GET4: variants seen among roughly 807,000 people sequenced by gnomAD.
GET4 encodes the protein guided entry of tail-anchored proteins factor 4.
Under a neutral mutation model 40.0 loss-of-function variants are expected in GET4, and 20 were observed. The observed-to-expected ratio is 0.50, with a 90% CI of 0.35 to 0.73. The LOEUF (loss-of-function observed/expected upper bound fraction) is 0.73. Ranked by LOEUF, GET4 falls within the 30% of genes least tolerant of loss-of-function variation. The pLI is 0.01. For synonymous variants in GET4, 280 were observed against 194.6 expected, an observed-to-expected ratio of 1.44 and a Z score of -3.65; for missense variants, 557 against 454.0, an observed-to-expected ratio of 1.23 and a Z score of -2.06.
Position 891,980 on chromosome 7 carries a change from G to A in GET4, c.606-298G>A, listed in dbSNP as rs137971489. ...GGGCCAGCGCCTGACCGGTGCGGGC[G>A]GCCTCAGGAGAGGAGAGCTTGCTCA... is the stretch of plus-strand genomic sequence containing the variant. On this transcript the variant is annotated intron_variant, in intron 5 of 8. Transcript: ENST00000265857. Among the ~76,000 whole-genome samples, 979 of 152,370 alleles carry A rather than the reference G, an allele frequency of 6.4e-3. 3 individuals carry two copies. The highest frequency in any genetic ancestry group is 0.011 in the Non-Finnish European group (778 of 68,036).
At chr7:888,197 G>A (rs775420158) in intron 4 of GET4, among the ~76,000 whole-genome samples, 4 of 152,210 alleles carry the variant, frequency 2.6e-5, no homozygotes, top group Non-Finnish European at 5.9e-5. Flanking sequence ...GGCAGCCCCC[G>A]CATTGGAAGC....
Position 881,990 on chromosome 7 carries a change from T to C in GET4, c.156-4066T>C, listed in dbSNP as rs148108539. On this transcript the variant is annotated intron_variant, in intron 1 of 8. Coordinates refer to ENST00000265857, the MANE Select transcript of GET4 (RefSeq NM_015949.3). The stretch of plus-strand genomic sequence containing the variant: ...TGGCCTCCAGCTCCATCCAAGTTCC[T>C]GCAAAGGGCATGATCTTGTTCCTTT... The C allele has an allele frequency of 4.6e-5, 7 of 152,370 alleles. No homozygotes were observed. In the East Asian group the frequency reaches 1.3e-3, roughly 29 times the overall value. 9.4% of individuals were successfully genotyped at this position (152,370 alleles called of 1,614,324 possible).
chr7:883,461 G>A (rs765483446), intron 1 of GET4: 33 of 973,584 alleles, frequency 3.4e-5, no homozygotes, highest in Admixed American at 6.2e-5. Flanking sequence ...GCGTTTCTGT[G>A]TTCTGCTTTT....
In GET4 at chr7:886,390, A is replaced by C. The variant is rs192483107; in HGVS notation, c.235-179A>C. 13 of 620,496 alleles carry C rather than the reference A, an allele frequency of 2.1e-5. No homozygotes were observed. The Admixed American group carries it at 2.3e-4, about 11-fold the overall frequency. 38.4% of individuals were successfully genotyped at this position (620,496 alleles called of 1,614,324 possible). A position where few individuals can be genotyped will look rare whatever the true frequency, so the allele number is the denominator to read the frequency against. On this transcript the variant is annotated intron_variant, in intron 2 of 8. Transcript: ENST00000265857. ...GGTATAAACGTCCCCGTCCATTTTCATGTGATTCTCGGCCAGGAGCTCTCT... is the reference window on the plus strand; with the variant it reads ...GGTATAAACGTCCCCGTCCATTTTCCTGTGATTCTCGGCCAGGAGCTCTCT...
In GET4 at chr7:892,264, G is replaced by T. The variant is rs777075953; in HGVS notation, c.606-14G>T. On this transcript the variant is annotated splice_polypyrimidine_tract_variant and intron_variant, in intron 5 of 8. Transcript: ENST00000265857. The stretch of plus-strand genomic sequence containing the variant: ...CCTCCAGCCCTTCCACCACCAGCAT[G>T]TTCTCATTTCCAGGTTTCTCTGTTT... The T allele has an allele frequency of 1.9e-6, 3 of 1,585,254 alleles. No homozygotes were observed. Among genetic ancestry groups the T allele is most frequent in the African/African-American group, 2.7e-5 (2 of 74,620 alleles).
At chr7:878,904 T>G (rs749639452) in intron 1 of GET4, among the ~76,000 whole-genome samples, 1 of 152,158 alleles carries the variant, frequency 6.6e-6, no homozygotes, top group Non-Finnish European at 1.5e-5. Context: ...TTAGAGCAGT[T>G]TTTGGTTTAT....
chr7:876,655 G>A lies in GET4; in HGVS notation c.10G>A (p.Ala4Thr). ...GCGGAGCGCCGGCCCGATGGCGGCG[G>A]CGGCGGCGATGGCCGAGCAGGAGAG... MAA[A>T]AAMAEQESAR... The change falls in exon 1 of 9, where the codon GCG (alanine) becomes ACG (threonine). Residue 4 changes from alanine to threonine, a missense_variant. Transcript: ENST00000265857. 2 of 1,280,352 alleles carry A rather than the reference G, an allele frequency of 1.6e-6. No individual in the cohort carries two copies. The highest frequency in any genetic ancestry group is 2.1e-5 in the South Asian group (1 of 48,326). 79.3% of individuals were successfully genotyped at this position (1,280,352 alleles called of 1,614,324 possible).
In GET4 at chr7:890,941, T is replaced by C; in HGVS notation, c.480T>C (p.Cys160=). 6.2e-7 allele frequency: 1 copy of C among 1,606,152 alleles called. No homozygotes were observed. Among genetic ancestry groups the C allele is most frequent in the Middle Eastern group, 1.7e-4 (1 of 6,036 alleles). The part of the protein sequence containing the change: ...ALTLWKEQNY[C]ESRYHFLHSA... ...TTTCCTTTGCAGAACAAAACTATTG[T>C]GAGTCGAGGTATCATTTTCTGCACT... is the stretch of plus-strand genomic sequence containing the variant. The change falls in exon 5 of 9, where the codon TGT becomes TGC. Residue 160 remains cysteine, a synonymous_variant. Transcript: ENST00000265857.
In GET4 at chr7:892,326, G is replaced by A. The variant is rs759976300; in HGVS notation, c.654G>A (p.Thr218=). The A allele has an allele frequency of 1.8e-5, 29 of 1,595,406 alleles. No homozygotes were observed. The highest frequency in any genetic ancestry group is 5.4e-5 in the African/African-American group (4 of 74,648). The change falls in exon 6 of 9, where the codon ACG becomes ACA. Residue 218 remains threonine, a synonymous_variant. Coordinates refer to ENST00000265857, the MANE Select transcript of GET4 (RefSeq NM_015949.3). The part of the protein sequence containing the change: ...NKSSASVVFT[T]YTQKHPSIED... ...GTAGCGCATCGGTGGTCTTCACGAC[G>A]TACACCCAGAAGCACCCGTCCATCG... is the stretch of plus-strand genomic sequence containing the variant.
At chr7:886,794 C>G in intron 3 of GET4, 144 bp downstream of exon 3, 1 of 647,422 alleles carries the variant, frequency 1.5e-6, no homozygotes, top group Non-Finnish European at 2.8e-6. Flanking sequence ...AGTTCCCACC[C>G]GGTCTCAGTG....
chr7:879,663 T>C (rs1449554562), intron 1 of GET4: 1 of 152,258 alleles, frequency 6.6e-6, no homozygotes, highest in Non-Finnish European at 1.5e-5. Flanking sequence ...ATTTTACTGT[T>C]GTGTTGTAGA....
At chr7:880,858 C>A (rs546187035) in intron 1 of GET4, 5 of 152,338 alleles carry the variant, frequency 3.3e-5, no homozygotes, top group African/African-American at 1.2e-4. Context: ...AAGTCACATT[C>A]CCCAAGTTAC....
intron 5 of GET4, among the ~76,000 whole-genome samples, chr7:891,884 G>A (rs961740153): frequency 6.6e-6 from 1 of 152,262 alleles, no homozygotes. Flanking sequence ...CCTCCCTGTG[G>A]GTCCTCGAAC....
chr7:894,174 C>G (rs1047270832), intron 8 of GET4, among the ~76,000 whole-genome samples: 3 of 151,332 alleles, frequency 2.0e-5, no homozygotes, highest in African/African-American at 7.4e-5. Context: ...AGCCCCGTCT[C>G]CACTCCAGAG....
chr7:893,936 CG>C lies in GET4; in HGVS notation c.861del (p.Lys289SerfsTer14). The C allele has an allele frequency of 6.2e-7, 1 of 1,607,666 alleles. No individual in the cohort carries two copies. The highest frequency in any genetic ancestry group is 8.5e-7 in the Non-Finnish European group (1 of 1,176,062). On this transcript the variant is annotated frameshift_variant, in exon 8 of 9. Transcript: ENST00000265857. LOFTEE classifies it high-confidence loss of function. ...DRIGQLFFGV[P>X]PKQTSSYGGL... is the part of the protein sequence containing the mutation. ...ATAGGACAGCTGTTCTTCGGCGTCC[CG>C]CCCAAGCAGACGTCTTCCTACGGGG...
intron 1 of GET4, among the ~76,000 whole-genome samples, chr7:877,216 TC>T (rs1209052717): frequency 1.4e-5 from 2 of 146,972 alleles, no homozygotes; most frequent in Non-Finnish European, 3.0e-5. Flanking sequence ...TCTCTCTCTC[TC>T]TCTCTGGCCT....
intron 1 of GET4, among the ~76,000 whole-genome samples, chr7:877,228 T>C (rs1843976627): frequency 6.8e-6 from 1 of 146,092 alleles, no homozygotes; most frequent in South Asian, 2.2e-4. Context: ...TCTCTGGCCT[T>C]CTCCTTCTTC....
At chr7:878,725 C>G (rs891829696) in intron 1 of GET4, among the ~76,000 whole-genome samples, 1 of 152,008 alleles carries the variant, frequency 6.6e-6, no homozygotes. Flanking sequence ...GAATTACTGG[C>G]GCGCACCACC....
intron 1 of GET4, among the ~76,000 whole-genome samples, chr7:877,415 C>G (rs1272435627): frequency 4.1e-5 from 5 of 122,828 alleles, no homozygotes; most frequent in Non-Finnish European, 8.8e-5. Context: ...TCTCTCTCTC[C>G]CCGGCCTCCC....
Sources: gnomAD v4.1 joint callset for allele counts (sites outside exome capture counted in the v4.1 genomes callset) on GRCh38, gnomAD v4.1.1 for gene constraint, MANE v1.5 for transcripts, NCBI Gene and HGNC (gene_info 2026-07-23, HGNC 2026-07-21) for gene names.